ZFAND1: variants seen among roughly 807,000 people sequenced by gnomAD.
ZFAND1 encodes the protein AN1-type zinc finger protein 1.
A neutral mutation model predicts 38.5 loss-of-function variants in ZFAND1; 40 were observed. The ratio of observed to expected loss-of-function variants is 1.04; its 90% CI spans 0.81 to 1.35. The LOEUF (loss-of-function observed/expected upper bound fraction) is 1.35, where lower values mean the gene tolerates loss of function less well. Ranked by LOEUF, ZFAND1 falls within the 40% of genes most tolerant of loss-of-function variation. ZFAND1 has a pLI of 0.00. For missense variants in ZFAND1, 346 were observed against 316.3 expected (o/e 1.09, Z -0.71); for synonymous variants, 117 against 103.6 (o/e 1.13, Z -0.78).
chr8:81,702,168 A>T lies in ZFAND1; in HGVS notation c.*527T>A, dbSNP rs1807830227. On this transcript the variant is annotated 3_prime_UTR_variant, in exon 8 of 8. Coordinates refer to ENST00000220669, the MANE Select transcript of ZFAND1 (RefSeq NM_024699.3). ...TTCTATAATTCATGTAGATATATCA[A>T]TTTATACATCATGATGTAGACAGAC... is the stretch of plus-strand genomic sequence containing the variant. 6.6e-6 allele frequency: 1 copy of T among 152,246 alleles called. No homozygotes were observed. Among genetic ancestry groups the T allele is most frequent in the African/African-American group, 2.4e-5 (1 of 41,454 alleles). 9.4% of individuals were successfully genotyped at this position (152,246 alleles called of 1,614,324 possible). A position where few individuals can be genotyped will look rare whatever the true frequency, so the allele number is the denominator to read the frequency against.
chr8:81,713,487 G>C (rs1265085146), intron 6 of ZFAND1, among the ~76,000 whole-genome samples: 6 of 151,876 alleles, frequency 4.0e-5, no homozygotes, highest in Admixed American at 2.0e-4. Context: ...CTGTGTTAAG[G>C]TATGTATGTA....
chr8:81,708,821 A>AAGGAC, intron 6 of ZFAND1: 1 of 1,262,790 alleles, frequency 7.9e-7, no homozygotes, highest in Non-Finnish European at 1.0e-6. Flanking sequence ...TTCACTCCAG[A>AAGGAC]TTACTCATCT....
At chr8:81,719,223 C>T (rs745741675) in intron 1 of ZFAND1, among the ~76,000 whole-genome samples, 9 of 151,726 alleles carry the variant, frequency 5.9e-5, no homozygotes, top group Non-Finnish European at 1.2e-4. Context: ...AATCCCAGCA[C>T]TTTGGGAGGC....
intron 5 of ZFAND1, 87 bp downstream of exon 5, chr8:81,714,717 T>C (rs1303286438): frequency 4.4e-6 from 5 of 1,139,352 alleles, no homozygotes; most frequent in Non-Finnish European, 6.6e-6. Context: ...GGGTTATTAA[T>C]GATGCCTCCC....
intron 6 of ZFAND1, among the ~76,000 whole-genome samples, chr8:81,706,683 A>G (rs1163770939): frequency 6.6e-6 from 1 of 152,056 alleles, no homozygotes; most frequent in East Asian, 1.9e-4. Context: ...TTAAAAAATT[A>G]AAGCTATTCT....
At chr8:81,714,145 C>T in intron 5 of ZFAND1, 106 bp from the exon 6 acceptor site, 1 of 1,108,172 alleles carries the variant, frequency 9.0e-7, no homozygotes, top group Non-Finnish European at 1.3e-6. Flanking sequence ...AAATTACACA[C>T]AAGAGAGATA....
chr8:81,715,614 A>G (rs1010704471), intron 3 of ZFAND1, among the ~76,000 whole-genome samples: 5 of 152,098 alleles, frequency 3.3e-5, no homozygotes, highest in Non-Finnish European at 2.9e-5. Context: ...TATTACCAGC[A>G]AATACTCCAC....
intron 6 of ZFAND1, among the ~76,000 whole-genome samples, chr8:81,712,168 A>G (rs1808157614): frequency 6.6e-6 from 1 of 152,146 alleles, no homozygotes; most frequent in Admixed American, 6.5e-5. Flanking sequence ...TGTAATAAAA[A>G]AATTTACAGT....
rs1219493193 is a variant in ZFAND1 at position 81,721,298 on chromosome 8, G to A, written c.-17C>T. On this transcript the variant is annotated 5_prime_UTR_variant, in exon 1 of 8. Transcript: ENST00000220669. ...CTCCGCCATCTCTCCGGCGCCGTAA[G>A]GGGCGGGGCAAAGCCTGAGGGGCGG... 7 of 1,547,438 alleles carry A rather than the reference G, an allele frequency of 4.5e-6. No homozygotes were observed. The highest frequency in any genetic ancestry group is 3.9e-5 in the Admixed American group (2 of 51,016).
At chr8:81,707,893 A>G (rs1263148829) in intron 6 of ZFAND1, among the ~76,000 whole-genome samples, 4 of 152,214 alleles carry the variant, frequency 2.6e-5, no homozygotes, top group Non-Finnish European at 5.9e-5. Context: ...AACTGGAAGA[A>G]AATAAAATTA....
rs971941619 is a variant in ZFAND1 at position 81,701,552 on chromosome 8, T to A, written c.*1143A>T. On this transcript the variant is annotated 3_prime_UTR_variant, in exon 8 of 8. Coordinates refer to ENST00000220669, the MANE Select transcript of ZFAND1 (RefSeq NM_024699.3). ...TATTTCCAAGGTATACCTGTATGTA[T>A]ACATATCATCATTGTATTAATCATG... The A allele has an allele frequency of 6.6e-6, 1 of 152,334 alleles. No homozygotes were observed. The highest frequency in any genetic ancestry group is 1.9e-4 in the East Asian group (1 of 5,188). The allele number at this position is 152,334 out of a possible 1,614,324, so 9.4% of individuals were successfully genotyped here. A position where few individuals can be genotyped will look rare whatever the true frequency, so the allele number is the denominator to read the frequency against.
Position 81,702,919 on chromosome 8 carries a change from C to T in ZFAND1, c.636+50G>A, listed in dbSNP as rs200492119. 19 of 1,517,880 alleles carry T rather than the reference C, an allele frequency of 1.3e-5. No individual in the cohort carries two copies. In the East Asian group the frequency reaches 1.9e-4, roughly 15 times the overall value. 94.0% of individuals were successfully genotyped at this position (1,517,880 alleles called of 1,614,324 possible). A position where few individuals can be genotyped will look rare whatever the true frequency, so the allele number is the denominator to read the frequency against. On this transcript the variant is annotated intron_variant, in intron 7 of 7. Transcript: ENST00000220669. ...AATAAATAAACATGCTTGAATGGAG[C>T]ATCATAAAACCTTTATTAATATAGA...
chr8:81,716,438 G>T (rs114111942), intron 3 of ZFAND1, among the ~76,000 whole-genome samples: 1,597 of 152,172 alleles, frequency 0.01, 17 homozygotes, highest in African/African-American at 0.035. Context: ...ACTTCTATTT[G>T]CCAGACCTTT....
Position 81,718,109 on chromosome 8 carries a change from T to A in ZFAND1, c.98+73A>T, listed in dbSNP as rs951300545. ...AAGTAACAATTATTTTAAATCATTC[T>A]ACTTTTCAGAAATAACCTCATATTA... On this transcript the variant is annotated intron_variant, in intron 2 of 7. Transcript: ENST00000220669. 18 of 1,222,570 alleles carry A rather than the reference T, an allele frequency of 1.5e-5. No homozygotes were observed. In the African/African-American group the frequency reaches 2.8e-4, roughly 19 times the overall value. 75.7% of individuals were successfully genotyped at this position (1,222,570 alleles called of 1,614,324 possible).
At chr8:81,708,466 T>G (rs1176526225) in intron 6 of ZFAND1, among the ~76,000 whole-genome samples, 1 of 152,046 alleles carries the variant, frequency 6.6e-6, no homozygotes, top group Non-Finnish European at 1.5e-5. Flanking sequence ...TAACATCTTT[T>G]ATAGTCTAGG....
intron 6 of ZFAND1, among the ~76,000 whole-genome samples, chr8:81,709,386 G>A (rs1483019573): frequency 5.3e-5 from 8 of 152,056 alleles, no homozygotes; most frequent in Non-Finnish European, 1.5e-5. Context: ...GGGCAGAAGG[G>A]ATTCTGTTTT....
intron 3 of ZFAND1, 41 bp from the exon 4 acceptor site, chr8:81,715,155 C>G (rs1164968849): frequency 6.2e-7 from 1 of 1,603,116 alleles, no homozygotes; most frequent in East Asian, 2.2e-5. Flanking sequence ...CATTTCAGAC[C>G]TAAAACAAAT....
chr8:81,704,555 A>G (rs555702784), intron 6 of ZFAND1, among the ~76,000 whole-genome samples: 2 of 151,952 alleles, frequency 1.3e-5, no homozygotes, highest in South Asian at 2.1e-4. Context: ...AAAAAAAAAA[A>G]AAAAGCAGGA....
Position 81,714,971 on chromosome 8 carries a change from C to T in ZFAND1, c.266+16G>A. The T allele has an allele frequency of 6.2e-7, 1 of 1,614,010 alleles. No individual in the cohort carries two copies. Among genetic ancestry groups the T allele is most frequent in the Non-Finnish European group, 8.5e-7 (1 of 1,179,920 alleles). On this transcript the variant is annotated intron_variant, in intron 4 of 7. Coordinates refer to ENST00000220669, the MANE Select transcript of ZFAND1 (RefSeq NM_024699.3). Reference sequence around the variant, plus strand: ...AACAGATATACAAAGTGTGAACAGCCTAAGTGATCAATCACCTCAGGCAAA... The same window carrying T: ...AACAGATATACAAAGTGTGAACAGCTTAAGTGATCAATCACCTCAGGCAAA...
Sources: gnomAD v4.1 joint callset for allele counts (sites outside exome capture counted in the v4.1 genomes callset) on GRCh38, gnomAD v4.1.1 for gene constraint, MANE v1.5 for transcripts, NCBI Gene and HGNC (gene_info 2026-07-23, HGNC 2026-07-21) for gene names.